The following ROCK1 variants were observed in gnomAD, a reference collection of about 807,000 sequenced individuals.
The protein encoded by ROCK1 is rho-associated protein kinase 1.
ROCK1 carries 36 observed loss-of-function variants against 196.8 expected under a neutral mutation model. The observed-to-expected ratio is 0.18, with a 90% CI of 0.14 to 0.24. The LOEUF is 0.24. Among genes scored for constraint, ROCK1 ranks in the 10% least tolerant of loss-of-function variants. The pLI, the probability that ROCK1 is intolerant of heterozygous loss-of-function variation, is 1.00. For synonymous variants in ROCK1, 443 were observed against 515.9 expected (o/e 0.86, Z 1.91); for missense variants, 920 against 1,562.0 (o/e 0.59, Z 6.93).
Position 20,979,790 on chromosome 18 carries a change from G to A in ROCK1, c.2654+120C>T, listed in dbSNP as rs1030246416. On this transcript the variant is annotated intron_variant, in intron 22 of 32. Transcript: ENST00000399799. Reference sequence around the variant, plus strand: ...GCCTAATCTGATTTGTTCTGAATTAGCCCAATAAACTGTGTTCTATACCAT... The same window carrying A: ...GCCTAATCTGATTTGTTCTGAATTAACCCAATAAACTGTGTTCTATACCAT... The A allele has an allele frequency of 7.5e-6, 9 of 1,199,116 alleles. No homozygotes were observed. The African/African-American group carries it at 1.3e-4, about 17-fold the overall frequency. 74.3% of individuals were successfully genotyped at this position (1,199,116 alleles called of 1,614,324 possible). A position where few individuals can be genotyped will look rare whatever the true frequency, so the allele number is the denominator to read the frequency against.
chr18:21,047,654 C>A (rs1366887629), intron 4 of ROCK1, among the ~76,000 whole-genome samples: 1 of 151,846 alleles, frequency 6.6e-6, no homozygotes, highest in Non-Finnish European at 1.5e-5. Flanking sequence ...AATAGCCGGG[C>A]GTGGTGGCAG....
intron 29 of ROCK1, among the ~76,000 whole-genome samples, chr18:20,957,193 T>TA (rs1254283115): frequency 6.6e-6 from 1 of 152,170 alleles, no homozygotes; most frequent in Non-Finnish European, 1.5e-5. Flanking sequence ...AAACATAAGT[T>TA]AAAAAAAGGA....
chr18:21,026,444 C>T (rs912543176), intron 10 of ROCK1, among the ~76,000 whole-genome samples: 1 of 77,250 alleles, frequency 1.3e-5, no homozygotes, highest in East Asian at 3.5e-4. Flanking sequence ...AACTCTGTCT[C>T]GAAAAAAAAA....
At chr18:20,985,322 A>G (rs1230482714) in intron 19 of ROCK1, among the ~76,000 whole-genome samples, 1 of 152,142 alleles carries the variant, frequency 6.6e-6, no homozygotes, top group African/African-American at 2.4e-5. Flanking sequence ...TTCTAATTCT[A>G]TTCCTATCAT....
chr18:20,975,033 G>T lies in ROCK1; in HGVS notation c.2655-4520C>A, dbSNP rs141443527. On this transcript the variant is annotated intron_variant, in intron 22 of 32. Transcript: ENST00000399799. ...GCTGCAGTTACAATTGTAGGTGCTA[G>T]ACATACAGCAATGAATTGAACCTAA... is the stretch of plus-strand genomic sequence containing the variant. 5.2e-3 allele frequency among the ~76,000 whole-genome samples: 793 copies of T among 152,300 alleles called. 8 individuals are homozygous for T. Among genetic ancestry groups the T allele is most frequent in the Non-Finnish European group, 7.2e-3 (493 of 68,036 alleles).
intron 21 of ROCK1, among the ~76,000 whole-genome samples, chr18:20,982,280 C>CA (rs1438110702): frequency 2.0e-5 from 3 of 152,112 alleles, no homozygotes; most frequent in Non-Finnish European, 4.4e-5. Flanking sequence ...GTTTATGAGA[C>CA]AGAGTCTTGC....
At chr18:21,060,772 G>A (rs1305289553) in intron 2 of ROCK1, among the ~76,000 whole-genome samples, 1 of 149,104 alleles carries the variant, frequency 6.7e-6, no homozygotes, top group African/African-American at 2.5e-5. Context: ...CTGGGAGGTG[G>A]AGGTTGCCAT....
At chr18:20,978,034 T>C (rs2035496275) in intron 22 of ROCK1, among the ~76,000 whole-genome samples, 1 of 152,304 alleles carries the variant, frequency 6.6e-6, no homozygotes, top group East Asian at 1.9e-4. Context: ...CAACAAACTA[T>C]TGTCAATTTT....
At chr18:21,084,494 A>G (rs2036509512) in intron 1 of ROCK1, among the ~76,000 whole-genome samples, 1 of 152,238 alleles carries the variant, frequency 6.6e-6, no homozygotes, top group Non-Finnish European at 1.5e-5. Context: ...CAATAAGCAC[A>G]TGAAAAGATG....
At position 21,006,508 on chromosome 18, in the gene ROCK1, A is replaced by C; in HGVS notation, c.1728T>G (p.Ser576Arg). 1 of 1,613,856 alleles carries C rather than the reference A, an allele frequency of 6.2e-7. No homozygotes were observed. Among genetic ancestry groups the C allele is most frequent in the Non-Finnish European group, 8.5e-7 (1 of 1,179,968 alleles). The stretch of plus-strand genomic sequence containing the variant: ...ACTCTCTGTTCAGGGACTCTAACTG[A>C]CTAATTGACTTGCTCATCTCTGTGT... ...KSHTEMSKSI[S>R]QLESLNRELQ... is the part of the protein sequence containing the mutation. Residue 576 changes from serine to arginine, a missense_variant, in exon 16 of 33, where the codon AGT becomes AGG. By Grantham distance (110) the Ser-to-Arg change is moderately radical (BLOSUM62 -1). Around this residue, in one of 6 missense-constraint regions of ROCK1, gnomAD observed 520 missense variants for 657.1 expected, o/e 0.79. Coordinates refer to ENST00000399799, the MANE Select transcript of ROCK1 (RefSeq NM_005406.3).
intron 27 of ROCK1, among the ~76,000 whole-genome samples, chr18:20,961,794 C>A (rs907609761): frequency 1.4e-5 from 2 of 147,118 alleles, no homozygotes; most frequent in African/African-American, 2.5e-5. Flanking sequence ...TGATCCCTCT[C>A]TTCTCCCAAC....
chr18:20,999,425 A>C (rs77693849), intron 16 of ROCK1, among the ~76,000 whole-genome samples: 3,178 of 152,272 alleles, frequency 0.021, 52 homozygotes, highest in Non-Finnish European at 0.034. Context: ...AAGATACAGG[A>C]GTCAAAATCT....
chr18:20,982,519 T>C (rs2035542524), intron 21 of ROCK1, among the ~76,000 whole-genome samples: 1 of 152,190 alleles, frequency 6.6e-6, no homozygotes, highest in Admixed American at 6.5e-5. Context: ...CCCAAAGTGC[T>C]GGGATGACAG....
At chr18:21,051,003 A>T (rs185628509) in intron 2 of ROCK1, among the ~76,000 whole-genome samples, 183 of 152,350 alleles carry the variant, frequency 1.2e-3, no homozygotes, top group African/African-American at 4.3e-3. Context: ...CAAAAAATGT[A>T]ATAAGGAAGA....
chr18:20,977,685 A>AT (rs955917120), intron 22 of ROCK1, among the ~76,000 whole-genome samples: 2 of 152,218 alleles, frequency 1.3e-5, no homozygotes, highest in Non-Finnish European at 2.9e-5. Context: ...AAGGGAAAAT[A>AT]TATCAACTCT....
chr18:20,973,370 C>A (rs1598513649), intron 22 of ROCK1, among the ~76,000 whole-genome samples: 3 of 151,490 alleles, frequency 2.0e-5, no homozygotes, highest in Admixed American at 2.0e-4. Context: ...CTTCGCCTCC[C>A]AGGTTCAAGC....
chr18:20,954,892 A>C lies in ROCK1; in HGVS notation c.3744T>G (p.Pro1248=). Residue 1248 remains proline (P), a synonymous_variant, in exon 31 of 33, where the codon CCT becomes CCG. Transcript: ENST00000399799. ...FPANCDACAK[P]LWHVFKPPPA... ...GGGGTGGCTTAAAAACATGCCAGAG[A>C]GGTTTGGCACAGGCATCACAATTGG... 1.2e-6 allele frequency: 2 copies of C among 1,613,940 alleles called. No individual in the cohort carries two copies. Among genetic ancestry groups the C allele is most frequent in the East Asian group, 2.2e-5 (1 of 44,878 alleles).
chr18:21,075,822 G>A (rs1598553757), intron 1 of ROCK1, among the ~76,000 whole-genome samples: 1 of 151,812 alleles, frequency 6.6e-6, no homozygotes, highest in Admixed American at 6.6e-5. Flanking sequence ...GTATGGGGAT[G>A]CGCACCTGTA....
chr18:21,056,478 C>T (rs1260213179), intron 2 of ROCK1, among the ~76,000 whole-genome samples: 2 of 152,100 alleles, frequency 1.3e-5, no homozygotes, highest in African/African-American at 4.8e-5. Flanking sequence ...TTGGCTCTCT[C>T]TTTGAAATAT....
Sources: allele counts gnomAD v4.1 joint callset (sites outside exome capture counted in the v4.1 genomes callset), GRCh38; gene constraint gnomAD v4.1.1; regional missense constraint gnomAD v4.1.1; transcripts MANE v1.5; gene names NCBI Gene and HGNC (gene_info 2026-07-23, HGNC 2026-07-21).